The following RASGEF1C variants were observed in gnomAD, a reference collection of about 807,000 sequenced individuals.
RASGEF1C encodes the protein ras-GEF domain-containing family member 1C.
A neutral mutation model predicts 58.1 loss-of-function variants in RASGEF1C; 27 were observed. The ratio of observed to expected loss-of-function variants is 0.46; its 90% confidence interval spans 0.34 to 0.64. The LOEUF is 0.64. Ranked by LOEUF, RASGEF1C falls within the 30% of genes least tolerant of loss-of-function variation. The pLI, the probability that RASGEF1C is intolerant of heterozygous loss-of-function variation, is 0.01. For missense variants in RASGEF1C, 502 were observed against 605.1 expected, an observed-to-expected ratio of 0.83 and a Z score of 1.79; for synonymous variants, 243 against 246.3, an observed-to-expected ratio of 0.99 and a Z score of 0.13.
At chr5:180,202,764 A>G (rs529846305) in intron 1 of RASGEF1C, among the ~76,000 whole-genome samples, 17 of 149,438 alleles carry the variant, frequency 1.1e-4, no homozygotes, top group African/African-American at 4.2e-4. Context: ...GTGCAGTGGC[A>G]CAATCTCGGC....
At chr5:180,110,994 T>G (rs1471780970) in intron 12 of RASGEF1C, among the ~76,000 whole-genome samples, 4 of 152,086 alleles carry the variant, frequency 2.6e-5, no homozygotes, top group African/African-American at 9.7e-5. Flanking sequence ...TTTTGTACTT[T>G]TAGTAGAGAC....
At chr5:180,157,702 A>AG in intron 1 of RASGEF1C, among the ~76,000 whole-genome samples, 1 of 152,278 alleles carries the variant, frequency 6.6e-6, no homozygotes, top group African/African-American at 2.4e-5. Flanking sequence ...CATATTACTA[A>AG]GCAAAAGAAG....
chr5:180,146,845 C>T (rs1446877857), intron 1 of RASGEF1C, among the ~76,000 whole-genome samples: 1 of 152,106 alleles, frequency 6.6e-6, no homozygotes, highest in Non-Finnish European at 1.5e-5. Context: ...GGAAGTGTTT[C>T]TGCCTCTTTA....
At chr5:180,203,797 C>G (rs960258002) in intron 1 of RASGEF1C, among the ~76,000 whole-genome samples, 1 of 152,114 alleles carries the variant, frequency 6.6e-6, no homozygotes, top group South Asian at 2.1e-4. Flanking sequence ...GAGTTCGAGA[C>G]CAGCCTGGCC....
In RASGEF1C at chr5:180,203,864, A is replaced by C. The variant is rs563846020; in HGVS notation, c.-7+5164T>G. Among the ~76,000 whole-genome samples the C allele has an allele frequency of 9.1e-4, 139 of 152,108 alleles. 2 individuals carry two copies. In the Middle Eastern group the frequency reaches 0.017, roughly 19 times the overall value. On this transcript the variant is annotated intron_variant, in intron 1 of 13. Coordinates refer to ENST00000361132, the MANE Select transcript of RASGEF1C (RefSeq NM_175062.4). ...ATAACTTAACCGGGCATGGTGGTGC[A>C]CGCCTGTAATCCCAGCCACTTGGGA...
intron 6 of RASGEF1C, among the ~76,000 whole-genome samples, chr5:180,127,080 C>T (rs554768481): frequency 3.9e-5 from 6 of 152,324 alleles, no homozygotes; most frequent in African/African-American, 1.4e-4. Context: ...TGGGAGGCAC[C>T]GGCACCCTGC....
chr5:180,126,563 A>G (rs947131693), intron 6 of RASGEF1C, among the ~76,000 whole-genome samples: 2 of 151,438 alleles, frequency 1.3e-5, no homozygotes, highest in African/African-American at 4.9e-5. Context: ...ATGGTCACAC[A>G]CTCTCGCCCC....
intron 13 of RASGEF1C, 129 bp from the exon 14 acceptor site, chr5:180,101,654 G>A (rs879163873): frequency 2.6e-6 from 3 of 1,153,276 alleles, no homozygotes; most frequent in South Asian, 1.4e-5. Context: ...GGGGTGTTCT[G>A]CAAATCCCTG....
chr5:180,163,932 T>C (rs1354121532), intron 1 of RASGEF1C, among the ~76,000 whole-genome samples: 2 of 152,162 alleles, frequency 1.3e-5, no homozygotes, highest in Non-Finnish European at 2.9e-5. Flanking sequence ...ACTATTTAGG[T>C]TATCTATTTC....
intron 1 of RASGEF1C, among the ~76,000 whole-genome samples, chr5:180,186,103 A>G (rs1167515826): frequency 7.4e-4 from 14 of 19,020 alleles, no homozygotes; most frequent in Admixed American, 6.3e-3. Flanking sequence ...TCTCCACAGA[A>G]AAAAAAAAAA....
intron 6 of RASGEF1C, among the ~76,000 whole-genome samples, chr5:180,126,577 T>TC (rs1042828793): frequency 6.6e-6 from 1 of 152,166 alleles, no homozygotes; most frequent in African/African-American, 2.4e-5. Flanking sequence ...TCGCCCCTGC[T>TC]CTTCCCTCTA....
chr5:180,137,385 G>T lies in RASGEF1C; in HGVS notation c.300+205C>A, dbSNP rs1766500485. On this transcript the variant is annotated intron_variant, in intron 3 of 13. Coordinates refer to ENST00000361132, the MANE Select transcript of RASGEF1C (RefSeq NM_175062.4). The surrounding 1 kb of genome is among the most constrained non-coding windows in gnomAD (Gnocchi z 4.1). The stretch of plus-strand genomic sequence containing the variant: ...GGGCTTAATGGGCTCAAGGGTTCCC[G>T]TCGGGCACTGGAAAACTACATGGAG... Among the ~76,000 whole-genome samples the T allele has an allele frequency of 6.6e-6, 1 of 152,176 alleles. No homozygotes were observed. The highest frequency in any genetic ancestry group is 2.4e-5 in the African/African-American group (1 of 41,444).
At chr5:180,173,937 A>C (rs868157333) in intron 1 of RASGEF1C, among the ~76,000 whole-genome samples, 32 of 151,158 alleles carry the variant, frequency 2.1e-4, no homozygotes, top group African/African-American at 6.6e-4. Context: ...AAAAAAAAAA[A>C]CCTGCGCAAT....
At chr5:180,172,621 G>A (rs1349672889) in intron 1 of RASGEF1C, among the ~76,000 whole-genome samples, 1 of 152,154 alleles carries the variant, frequency 6.6e-6, no homozygotes, top group East Asian at 1.9e-4. Flanking sequence ...AGCCAGGTCT[G>A]TACTGTCCTT....
At chr5:180,160,505 A>C (rs1263433700) in intron 1 of RASGEF1C, among the ~76,000 whole-genome samples, 1 of 152,190 alleles carries the variant, frequency 6.6e-6, no homozygotes, top group African/African-American at 2.4e-5. Flanking sequence ...CTGGCTCCCC[A>C]AGGCAAAGCC....
At chr5:180,165,922 T>C (rs866703231) in intron 1 of RASGEF1C, among the ~76,000 whole-genome samples, 4 of 151,468 alleles carry the variant, frequency 2.6e-5, no homozygotes, top group Non-Finnish European at 5.9e-5. Context: ...GCTCATTTTT[T>C]GTATTTTTAG....
chr5:180,121,681 A>ACACACACC (rs71892414), intron 6 of RASGEF1C, among the ~76,000 whole-genome samples: 78 of 73,518 alleles, frequency 1.1e-3, no homozygotes, highest in African/African-American at 2.4e-3. Context: ...ACACACACAC[A>ACACACACC]CCCTCATTAT....
intron 1 of RASGEF1C, among the ~76,000 whole-genome samples, chr5:180,166,515 CTT>C (rs543849836): frequency 3.8e-4 from 53 of 137,794 alleles, no homozygotes; most frequent in Admixed American, 5.1e-4. Context: ...AAGAATTTTT[CTT>C]TTTTTTTTTT....
intron 6 of RASGEF1C, among the ~76,000 whole-genome samples, chr5:180,121,681 A>ACCCCCC (rs1230111122): frequency 6.8e-5 from 5 of 73,522 alleles, no homozygotes; most frequent in African/African-American, 1.7e-4. Context: ...ACACACACAC[A>ACCCCCC]CCCTCATTAT....
Sources: gnomAD v4.1 joint callset for allele counts (sites outside exome capture counted in the v4.1 genomes callset) on GRCh38, gnomAD v4.1.1 for gene constraint, Gnocchi (gnomAD v3.1) non-coding constraint, MANE v1.5 for transcripts, NCBI Gene and HGNC (gene_info 2026-07-23, HGNC 2026-07-21) for gene names.